CPN1: variants seen among roughly 807,000 people sequenced by gnomAD.
CPN1 encodes carboxypeptidase N subunit 1.
A neutral mutation model predicts 46.4 loss-of-function variants in CPN1; 37 were observed. The ratio of observed to expected loss-of-function variants is 0.80; its 90% CI spans 0.61 to 1.05. CPN1 has a LOEUF of 1.05. Ranked by LOEUF, CPN1 falls within the 50% of genes least tolerant of loss-of-function variation. The pLI is 0.00. For missense variants in CPN1, 563 were observed against 602.6 expected (o/e 0.93, Z 0.69); for synonymous variants, 224 against 235.4 (o/e 0.95, Z 0.44).
At chr10:100,047,787 A>C (rs1194675554) in intron 8 of CPN1, among the ~76,000 whole-genome samples, 1 of 151,634 alleles carries the variant, frequency 6.6e-6, no homozygotes, top group African/African-American at 2.4e-5. Flanking sequence ...GAAGTTCGAG[A>C]CCAGCCTGAC....
At chr10:100,047,987 C>A (rs902285125) in intron 8 of CPN1, among the ~76,000 whole-genome samples, 58 of 151,764 alleles carry the variant, frequency 3.8e-4, no homozygotes, top group African/African-American at 1.3e-3. Flanking sequence ...AGCGAAACCC[C>A]CTCTCAAAAT....
At chr10:100,069,605 G>T in intron 3 of CPN1, 109 bp downstream of exon 3, 1 of 1,284,940 alleles carries the variant, frequency 7.8e-7, no homozygotes, top group Non-Finnish European at 1.1e-6. Context: ...GAGTTGAGTT[G>T]ATGCTTAATT....
intron 8 of CPN1, among the ~76,000 whole-genome samples, chr10:100,046,791 T>C (rs112384386): frequency 5.3e-5 from 7 of 131,038 alleles, no homozygotes; most frequent in African/African-American, 1.5e-4. Context: ...AAAATAAAAA[T>C]GGCCGGGTGC....
intron 6 of CPN1, among the ~76,000 whole-genome samples, chr10:100,055,234 T>C (rs1328685797): frequency 6.6e-6 from 1 of 150,484 alleles, no homozygotes; most frequent in Non-Finnish European, 1.5e-5. Flanking sequence ...TGAGACTCCA[T>C]CTAAAAAAAA....
At position 100,043,899 on chromosome 10, in the gene CPN1, GAA is replaced by G. The variant is rs1409882159; in HGVS notation, c.1231-1328_1231-1327del. On this transcript the variant is annotated intron_variant, in intron 8 of 8. Transcript: ENST00000370418. ...CTCTTCTGGCCACAGCACGCAGATG[GAA>G]AGATACTTTTCACTGACAAATGTGG... 2.0e-5 allele frequency among the ~76,000 whole-genome samples: 3 copies of G among 152,166 alleles called. No homozygotes were observed. In the East Asian group the frequency reaches 5.8e-4, roughly 29 times the overall value.
At chr10:100,062,485 G>A (rs1164603822) in intron 5 of CPN1, among the ~76,000 whole-genome samples, 1 of 152,108 alleles carries the variant, frequency 6.6e-6, no homozygotes, top group Non-Finnish European at 1.5e-5. Context: ...GCATACTACT[G>A]TGCTACTTTT....
intron 7 of CPN1, 139 bp from the exon 8 acceptor site, chr10:100,049,015 G>C (rs1374384671): frequency 1.6e-6 from 1 of 639,272 alleles, no homozygotes; most frequent in Admixed American, 2.1e-5. Flanking sequence ...CTGGAGTGAA[G>C]TGGTGTGATC....
At chr10:100,080,295 T>G (rs7900372) in intron 1 of CPN1, among the ~76,000 whole-genome samples, 1 of 151,924 alleles carries the variant, frequency 6.6e-6, no homozygotes, top group South Asian at 2.1e-4. Flanking sequence ...CAGTTAAACA[T>G]AGTCATGCAA....
chr10:100,080,411 T>TC (rs2041538105), intron 1 of CPN1, among the ~76,000 whole-genome samples: 1 of 152,206 alleles, frequency 6.6e-6, no homozygotes, highest in African/African-American at 2.4e-5. Flanking sequence ...TAATACAATT[T>TC]CATTTTTATA....
chr10:100,049,157 T>A (rs2041335479), intron 7 of CPN1, among the ~76,000 whole-genome samples: 1 of 149,720 alleles, frequency 6.7e-6, no homozygotes, highest in Admixed American at 6.7e-5. Flanking sequence ...CGGGGTTTCA[T>A]CATGTTGGCC....
intron 7 of CPN1, among the ~76,000 whole-genome samples, chr10:100,052,261 G>C (rs1487911805): frequency 3.9e-5 from 6 of 152,082 alleles, no homozygotes; most frequent in Non-Finnish European, 8.8e-5. Flanking sequence ...AGTAGAGATG[G>C]GGTTTCACCA....
chr10:100,075,289 C>CA (rs1046209592), intron 2 of CPN1, among the ~76,000 whole-genome samples: 17 of 151,994 alleles, frequency 1.1e-4, no homozygotes, highest in African/African-American at 3.9e-4. Flanking sequence ...GACTCTATCC[C>CA]AAAAAAAGAA....
At chr10:100,055,106 TGG>T (rs2041377891) in intron 6 of CPN1, among the ~76,000 whole-genome samples, 5 of 151,536 alleles carry the variant, frequency 3.3e-5, no homozygotes, top group African/African-American at 4.8e-5. Context: ...GGTGTGGTGG[TGG>T]GCGCCTGTAA....
intron 2 of CPN1, among the ~76,000 whole-genome samples, chr10:100,072,484 G>A (rs967416576): frequency 9.2e-5 from 14 of 152,058 alleles, no homozygotes; most frequent in African/African-American, 3.4e-4. Context: ...AACTTTTTGA[G>A]AAACTGTTAA....
intron 8 of CPN1, among the ~76,000 whole-genome samples, chr10:100,044,444 G>A (rs1205904062): frequency 2.6e-5 from 4 of 151,964 alleles, no homozygotes; most frequent in Non-Finnish European, 4.4e-5. Flanking sequence ...GTGCAATCAC[G>A]GTTCACTGCA....
At chr10:100,047,495 G>T (rs2041321953) in intron 8 of CPN1, among the ~76,000 whole-genome samples, 1 of 152,174 alleles carries the variant, frequency 6.6e-6, no homozygotes, top group South Asian at 2.1e-4. Flanking sequence ...GGAAAGATAG[G>T]CCTTGCTAGA....
intron 5 of CPN1, among the ~76,000 whole-genome samples, chr10:100,062,689 G>A (rs958257960): frequency 2.0e-5 from 3 of 151,106 alleles, no homozygotes; most frequent in Admixed American, 6.6e-5. Flanking sequence ...GACTTCCTGG[G>A]CTCAGGTGAT....
At chr10:100,071,326 C>T (rs139210385) in intron 2 of CPN1, among the ~76,000 whole-genome samples, 5 of 152,160 alleles carry the variant, frequency 3.3e-5, no homozygotes, top group African/African-American at 1.2e-4. Context: ...AAGTTGTAAT[C>T]AAGTCAACTG....
At chr10:100,078,164 C>T (rs2041526036) in intron 1 of CPN1, among the ~76,000 whole-genome samples, 1 of 152,162 alleles carries the variant, frequency 6.6e-6, no homozygotes, top group African/African-American at 2.4e-5. Flanking sequence ...CCTCCCGCCT[C>T]AGCCTCCTGA....
Sources: allele counts gnomAD v4.1 joint callset (sites outside exome capture counted in the v4.1 genomes callset), GRCh38; gene constraint gnomAD v4.1.1; transcripts MANE v1.5; gene names NCBI Gene and HGNC (gene_info 2026-07-23, HGNC 2026-07-21).